Variants in ADGRL2 observed in about 807,000 individuals in gnomAD.
ADGRL2 encodes adhesion G protein-coupled receptor L2.
Under a neutral mutation model 157.4 loss-of-function variants are expected in ADGRL2, and 44 were observed. That is an observed-to-expected ratio of 0.28 (90% CI 0.22 to 0.36). The LOEUF (loss-of-function observed/expected upper bound fraction) is 0.36, where lower values mean the gene tolerates loss of function less well. Ranked by LOEUF, ADGRL2 falls within the 10% of genes least tolerant of loss-of-function variation. ADGRL2 has a pLI of 1.00. For missense variants in ADGRL2, 1,510 were observed against 1,768.9 expected (o/e 0.85, Z 2.63); for synonymous variants, 585 against 624.7 (o/e 0.94, Z 0.95).
intron 2 of ADGRL2, among the ~76,000 whole-genome samples, chr1:81,852,085 A>T (rs1270157496): frequency 6.6e-6 from 1 of 152,068 alleles, no homozygotes; most frequent in Non-Finnish European, 1.5e-5. Context: ...CATATTCAGC[A>T]TGGATTTGAG....
intron 1 of ADGRL2, among the ~76,000 whole-genome samples, chr1:81,335,060 A>G (rs762738837): frequency 1.5e-4 from 23 of 152,164 alleles, no homozygotes; most frequent in Non-Finnish European, 2.8e-4. Flanking sequence ...TCCTTTTAAT[A>G]ATGAAGTTAG....
At chr1:81,651,638 G>A (rs567094152) in intron 3 of ADGRL2, among the ~76,000 whole-genome samples, 13 of 152,274 alleles carry the variant, frequency 8.5e-5, no homozygotes, top group African/African-American at 2.6e-4. Context: ...TAGACCTAGA[G>A]GAGGTTCATT....
chr1:81,489,920 A>T (rs1009272032), intron 2 of ADGRL2, among the ~76,000 whole-genome samples: 2 of 152,214 alleles, frequency 1.3e-5, no homozygotes, highest in Non-Finnish European at 2.9e-5. Context: ...AAAAGCTAAG[A>T]AAGTTCATTA....
chr1:81,963,982 T>C (rs1381079383), intron 11 of ADGRL2, among the ~76,000 whole-genome samples: 2 of 151,464 alleles, frequency 1.3e-5, no homozygotes, highest in African/African-American at 4.8e-5. Flanking sequence ...CTAGGAAAGT[T>C]TCTATTGTCT....
intron 1 of ADGRL2, among the ~76,000 whole-genome samples, chr1:81,430,019 G>T (rs1038294531): frequency 3.4e-4 from 51 of 152,062 alleles, no homozygotes; most frequent in African/African-American, 1.2e-3. Flanking sequence ...TCAGCCTCCC[G>T]AGTAGCTGGG....
intron 1 of ADGRL2, among the ~76,000 whole-genome samples, chr1:81,385,133 A>G (rs2076413044): frequency 6.6e-6 from 1 of 152,166 alleles, no homozygotes. Context: ...TGGAGAGAAT[A>G]CTTAAATTTT....
At chr1:81,330,554 T>C (rs1661202619) in intron 1 of ADGRL2, among the ~76,000 whole-genome samples, 1 of 152,196 alleles carries the variant, frequency 6.6e-6, no homozygotes, top group South Asian at 2.1e-4. Context: ...GGAGAATTTG[T>C]ATGTCCTTGG....
Position 81,919,656 on chromosome 1 carries a change from A to C in ADGRL2, c.287+12426A>C, listed in dbSNP as rs138759473. 5.8e-3 allele frequency among the ~76,000 whole-genome samples: 888 copies of C among 152,054 alleles called. 5 individuals carry two copies. Among genetic ancestry groups the C allele is most frequent in the African/African-American group, 0.02 (831 of 41,536 alleles). On this transcript the variant is annotated intron_variant, in intron 3 of 23. Transcript: ENST00000686636. ...ATTTTATAATTCTGTAATTTTTTTC[A>C]TACATTTGATTATCTTATGACATCC...
intron 10 of ADGRL2, 84 bp from the exon 11 acceptor site, chr1:81,955,793 T>G: frequency 1.3e-6 from 1 of 781,452 alleles, no homozygotes; most frequent in Non-Finnish European, 2.1e-6. Context: ...CAGATAAATA[T>G]TACAATTGTC....
chr1:81,434,002 G>A (rs918200775), intron 1 of ADGRL2, among the ~76,000 whole-genome samples: 1 of 152,182 alleles, frequency 6.6e-6, no homozygotes, highest in South Asian at 2.1e-4. Flanking sequence ...TGACTTTTTA[G>A]TGGAAGCTCA....
intron 2 of ADGRL2, among the ~76,000 whole-genome samples, chr1:81,558,096 G>T (rs1334209258): frequency 6.6e-6 from 1 of 152,136 alleles, no homozygotes; most frequent in Non-Finnish European, 1.5e-5. Context: ...ACAATTCAGT[G>T]CCTGGCACAC....
At position 81,846,115 on chromosome 1, in the gene ADGRL2, C is replaced by T. The variant is rs566325988; in HGVS notation, c.73+9058C>T. Among the ~76,000 whole-genome samples, 76 of 151,732 alleles carry T rather than the reference C, an allele frequency of 5.0e-4. 1 individual carries two copies. Among genetic ancestry groups the T allele is most frequent in the Middle Eastern group, 3.5e-3 (1 of 284 alleles). ...ATCAAGTGAACTAACATTAAACCAA[C>T]CAGTAAGAATTAAATTTTAACCAAC... On this transcript the variant is annotated intron_variant, in intron 2 of 23. Coordinates refer to ENST00000686636, the MANE Select transcript of ADGRL2 (RefSeq NM_001366006.2).
At chr1:81,506,901 A>G (rs77166104) in intron 2 of ADGRL2, among the ~76,000 whole-genome samples, 4 of 152,138 alleles carry the variant, frequency 2.6e-5, no homozygotes, top group East Asian at 3.8e-4. Context: ...CATCTACATA[A>G]CAAATGTACA....
At chr1:81,711,726 T>C (rs777483105) in intron 1 of ADGRL2, among the ~76,000 whole-genome samples, 8 of 152,214 alleles carry the variant, frequency 5.3e-5, no homozygotes, top group East Asian at 1.9e-4. Context: ...TCTATCATCA[T>C]TGCAAATGTC....
At chr1:81,372,449 T>C (rs191268548) in intron 1 of ADGRL2, among the ~76,000 whole-genome samples, 1 of 152,228 alleles carries the variant, frequency 6.6e-6, no homozygotes, top group African/African-American at 2.4e-5. Flanking sequence ...TTCTCATTTG[T>C]ACCCTCATGC....
chr1:81,498,638 G>C (rs1292613094), intron 2 of ADGRL2, among the ~76,000 whole-genome samples: 1 of 152,142 alleles, frequency 6.6e-6, no homozygotes, highest in African/African-American at 2.4e-5. Flanking sequence ...AATTTCATCA[G>C]ATTACACATG....
At chr1:81,587,209 A>G (rs1368201530) in intron 3 of ADGRL2, among the ~76,000 whole-genome samples, 1 of 152,108 alleles carries the variant, frequency 6.6e-6, no homozygotes, top group Non-Finnish European at 1.5e-5. Flanking sequence ...TAGAACATTC[A>G]AAGTTGTGTG....
At chr1:81,627,680 A>G (rs185325927) in intron 3 of ADGRL2, among the ~76,000 whole-genome samples, 2 of 152,326 alleles carry the variant, frequency 1.3e-5, no homozygotes, top group Admixed American at 1.3e-4. Context: ...AAGCAGACTG[A>G]GAAGTGTGGG....
intron 2 of ADGRL2, among the ~76,000 whole-genome samples, chr1:81,499,183 A>T (rs2078791210): frequency 6.6e-6 from 1 of 152,284 alleles, no homozygotes; most frequent in Admixed American, 6.5e-5. Flanking sequence ...AGAACATGAC[A>T]TGTATTCGAG....
Sources: allele counts gnomAD v4.1 joint callset (sites outside exome capture counted in the v4.1 genomes callset), GRCh38; gene constraint gnomAD v4.1.1; transcripts MANE v1.5; gene names NCBI Gene and HGNC (gene_info 2026-07-23, HGNC 2026-07-21).